RAD51B: variants seen among roughly 807,000 people sequenced by gnomAD.
RAD51B encodes the protein RAD51 paralog B, also known as DNA repair protein RAD51 homolog 2.
A neutral mutation model predicts 42.2 loss-of-function variants in RAD51B; 38 were observed. That is an observed-to-expected ratio of 0.90 (90% CI 0.70 to 1.18). RAD51B has a LOEUF of 1.18. RAD51B is among the 50% of genes most tolerant of loss of function. The pLI is 0.00. For missense variants in RAD51B, 373 were observed against 400.7 expected, an observed-to-expected ratio of 0.93 and a Z score of 0.59; for synonymous variants, 154 against 145.2, an observed-to-expected ratio of 1.06 and a Z score of -0.43.
At chr14:68,463,444 G>A (rs1056660125) in intron 9 of RAD51B, among the ~76,000 whole-genome samples, 3 of 151,932 alleles carry the variant, frequency 2.0e-5, no homozygotes, top group African/African-American at 7.3e-5. Context: ...AGAATCTTCA[G>A]GTTAGAAAAC....
At chr14:67,994,002 G>C (rs2075341235) in intron 7 of RAD51B, among the ~76,000 whole-genome samples, 1 of 151,762 alleles carries the variant, frequency 6.6e-6, no homozygotes, top group Non-Finnish European at 1.5e-5. Flanking sequence ...ATAACTATTA[G>C]GTATCCATAA....
intron 10 of RAD51B, among the ~76,000 whole-genome samples, chr14:68,619,922 G>C (rs1247110594): frequency 3.3e-5 from 5 of 152,234 alleles, no homozygotes; most frequent in Admixed American, 2.0e-4. Flanking sequence ...CAGTCTCCAA[G>C]GTTGATGTTT....
intron 7 of RAD51B, among the ~76,000 whole-genome samples, chr14:68,010,669 TA>T (rs1458047324): frequency 4.0e-5 from 6 of 151,866 alleles, no homozygotes; most frequent in African/African-American, 1.4e-4. Context: ...TTTGAAAATG[TA>T]TACAACTGAG....
intron 8 of RAD51B, among the ~76,000 whole-genome samples, chr14:68,398,741 A>G (rs1277469125): frequency 6.6e-6 from 1 of 152,216 alleles, no homozygotes; most frequent in East Asian, 1.9e-4. Context: ...ATTCTCCAGA[A>G]TGATGTCTTC....
intron 7 of RAD51B, among the ~76,000 whole-genome samples, chr14:67,897,387 A>C (rs1451501093): frequency 6.6e-6 from 1 of 152,174 alleles, no homozygotes; most frequent in Non-Finnish European, 1.5e-5. Flanking sequence ...ATAACTCCAA[A>C]ACTCAATAGT....
chr14:67,989,499 G>A (rs928960727), intron 7 of RAD51B, among the ~76,000 whole-genome samples: 10 of 151,954 alleles, frequency 6.6e-5, no homozygotes, highest in African/African-American at 1.4e-4. Context: ...TTAGCTGGGC[G>A]TGGTGGCACA....
intron 7 of RAD51B, among the ~76,000 whole-genome samples, chr14:68,209,701 C>T (rs1274651): frequency 0.17 from 26,533 of 152,134 alleles, 2,469 homozygotes; most frequent in Middle Eastern, 0.36. Flanking sequence ...TTCGGATACA[C>T]ATGCCTTAAC....
At position 68,321,462 on chromosome 14, in the gene RAD51B, A is replaced by G. The variant is rs117760146; in HGVS notation, c.853+29482A>G. Among the ~76,000 whole-genome samples the G allele has an allele frequency of 2.8e-3, 426 of 152,356 alleles. 11 individuals are homozygous for G. The East Asian group carries it at 0.046, about 16-fold the overall frequency. On this transcript the variant is annotated intron_variant, in intron 8 of 10. Transcript: ENST00000471583. ...CCACAGGGGCTTTCAGAAACAATTT[A>G]GTAAGTGATAGACTTGGAAGAGTTC...
intron 9 of RAD51B, among the ~76,000 whole-genome samples, chr14:68,431,163 T>C (rs541955403): frequency 2.0e-4 from 30 of 152,350 alleles, no homozygotes; most frequent in Admixed American, 1.4e-3. Flanking sequence ...CAGTATTTTA[T>C]TGAGGATTTT....
intron 7 of RAD51B, among the ~76,000 whole-genome samples, chr14:67,922,233 A>C (rs748281338): frequency 1.3e-5 from 2 of 152,188 alleles, no homozygotes; most frequent in Non-Finnish European, 2.9e-5. Context: ...TGAATGCACC[A>C]GTGAGTTTGT....
chr14:68,158,532 C>T (rs1030723342), intron 7 of RAD51B, among the ~76,000 whole-genome samples: 2 of 152,112 alleles, frequency 1.3e-5, no homozygotes, highest in Non-Finnish European at 2.9e-5. Context: ...TGAACTTTAA[C>T]GTCAGTCAGT....
intron 7 of RAD51B, among the ~76,000 whole-genome samples, chr14:68,217,078 T>C (rs1459804390): frequency 1.3e-5 from 2 of 152,176 alleles, no homozygotes; most frequent in Admixed American, 6.5e-5. Flanking sequence ...CTCAACCCCT[T>C]CTCAGAACAG....
intron 7 of RAD51B, among the ~76,000 whole-genome samples, chr14:67,953,485 G>T (rs1250078796): frequency 6.6e-6 from 1 of 152,106 alleles, no homozygotes; most frequent in Non-Finnish European, 1.5e-5. Context: ...CTAGCAGTGG[G>T]GAGTCCATGA....
intron 7 of RAD51B, among the ~76,000 whole-genome samples, chr14:67,901,188 A>C (rs1376307404): frequency 6.6e-6 from 1 of 152,236 alleles, no homozygotes; most frequent in Non-Finnish European, 1.5e-5. Context: ...GCATCTGTGC[A>C]TGCCTGGGGT....
chr14:68,333,747 A>G (rs888443723), intron 8 of RAD51B, among the ~76,000 whole-genome samples: 3 of 152,256 alleles, frequency 2.0e-5, no homozygotes, highest in South Asian at 2.1e-4. Flanking sequence ...AGCTAATTAA[A>G]CAAATGTATT....
At chr14:67,856,978 C>A (rs1418932755) in intron 4 of RAD51B, among the ~76,000 whole-genome samples, 1 of 151,980 alleles carries the variant, frequency 6.6e-6, no homozygotes, top group African/African-American at 2.4e-5. Context: ...TTACAAGAAG[C>A]AAATAACTTA....
Position 67,887,058 on chromosome 14 carries a change from A to C in RAD51B, c.610A>C (p.Ile204Leu). Residue 204 changes from isoleucine (I) to leucine (L), a missense_variant, in exon 7 of 11, where the codon ATT becomes CTT. Transcript: ENST00000471583. Reference sequence around the variant, plus strand: ...GGAAGAAGAAATTATCTCAAAAGGAATTAAACTTGTGATTCTTGACTCTGT... The same window carrying C: ...GGAAGAAGAAATTATCTCAAAAGGACTTAAACTTGTGATTCTTGACTCTGT... ...SLEEEIISKG[I>L]KLVILDSVAS... The C allele has an allele frequency of 1.9e-6, 3 of 1,556,426 alleles. No individual in the cohort carries two copies. Among genetic ancestry groups the C allele is most frequent in the Non-Finnish European group, 2.6e-6 (3 of 1,137,366 alleles).
intron 5 of RAD51B, among the ~76,000 whole-genome samples, chr14:67,880,786 T>C (rs541291737): frequency 6.6e-6 from 1 of 152,324 alleles, no homozygotes; most frequent in East Asian, 1.9e-4. Flanking sequence ...TGCTGGATTT[T>C]AACATATGTT....
chr14:67,959,595 C>T (rs1027994428), intron 7 of RAD51B, among the ~76,000 whole-genome samples: 9 of 151,916 alleles, frequency 5.9e-5, no homozygotes, highest in East Asian at 1.9e-4. Context: ...AATGGTAAGC[C>T]GGGTATAAAT....
Sources: gnomAD v4.1 joint callset for allele counts (sites outside exome capture counted in the v4.1 genomes callset) on GRCh38, gnomAD v4.1.1 for gene constraint, MANE v1.5 for transcripts, NCBI Gene and HGNC (gene_info 2026-07-23, HGNC 2026-07-21) for gene names.